Variants in USP49 observed in about 807,000 individuals in gnomAD.
The protein encoded by USP49 is ubiquitin carboxyl-terminal hydrolase 49.
In USP49, 24 loss-of-function variants were observed where a neutral mutation model predicts 58.6. That is an observed-to-expected ratio of 0.41 (90% CI 0.30 to 0.58). The LOEUF is 0.58. Among genes scored for constraint, USP49 ranks in the 20% least tolerant of loss-of-function variants. USP49 has a pLI of 0.30. For missense variants in USP49, 703 were observed against 866.1 expected (o/e 0.81, Z 2.36); for synonymous variants, 408 against 365.1 (o/e 1.12, Z -1.34).
At chr6:41,862,145 T>C (rs1774234564) in intron 3 of USP49, among the ~76,000 whole-genome samples, 1 of 152,240 alleles carries the variant, frequency 6.6e-6, no homozygotes, top group African/African-American at 2.4e-5. Context: ...TGGGTATCTA[T>C]CATGGGACAC....
Position 41,876,835 on chromosome 6 carries a change from G to A in USP49, c.-102-5198C>T, listed in dbSNP as rs75260710. The stretch of plus-strand genomic sequence containing the variant: ...AATAAAGAAAACTTTAAAGTTTTAA[G>A]GAGACCACAATCAGCAATTACAATT... On this transcript the variant is annotated intron_variant, in intron 2 of 7. Transcript: ENST00000682992. 3.4e-3 allele frequency among the ~76,000 whole-genome samples: 518 copies of A among 152,266 alleles called. 5 individuals are homozygous for A. The highest frequency in any genetic ancestry group is 5.4e-3 in the Non-Finnish European group (370 of 68,020).
At chr6:41,895,176 C>A in intron 1 of USP49, 148 bp downstream of exon 1, 1 of 152,202 alleles carries the variant, frequency 6.6e-6, no homozygotes, top group Non-Finnish European at 1.5e-5. Context: ...GCTAGTGAGC[C>A]GGAGACTCCT....
At chr6:41,885,310 T>G (rs1038762054) in intron 2 of USP49, among the ~76,000 whole-genome samples, 1 of 152,170 alleles carries the variant, frequency 6.6e-6, no homozygotes, top group Non-Finnish European at 1.5e-5. Flanking sequence ...AGAATAACAT[T>G]TTCAAACAAA....
intron 2 of USP49, among the ~76,000 whole-genome samples, chr6:41,883,395 G>T (rs967860097): frequency 3.4e-5 from 5 of 148,690 alleles, no homozygotes; most frequent in African/African-American, 1.2e-4. Flanking sequence ...AGTGGCTCAC[G>T]CTTGTAATCC....
chr6:41,827,163 G>A (rs1773552564), intron 3 of USP49, among the ~76,000 whole-genome samples: 1 of 152,150 alleles, frequency 6.6e-6, no homozygotes, highest in Admixed American at 6.5e-5. Flanking sequence ...CAATGATGTT[G>A]ATCATATAAG....
Position 41,796,349 on chromosome 6 carries a change from C to T in USP49, c.*184G>A. 1.9e-6 allele frequency: 1 copy of T among 529,608 alleles called. No individual in the cohort carries two copies. Among genetic ancestry groups the T allele is most frequent in the Non-Finnish European group, 3.4e-6 (1 of 296,266 alleles). 32.8% of individuals were successfully genotyped at this position (529,608 alleles called of 1,614,324 possible). A position where few individuals can be genotyped will look rare whatever the true frequency, so the allele number is the denominator to read the frequency against. ...TGTTTTTAGGAAAGGAGGGAACTCCCAAACTCATTCAAAAGAAAGAGACTA... is the reference window on the plus strand; with the variant it reads ...TGTTTTTAGGAAAGGAGGGAACTCCTAAACTCATTCAAAAGAAAGAGACTA... On this transcript the variant is annotated 3_prime_UTR_variant, in exon 8 of 8. Transcript: ENST00000682992.
At chr6:41,887,486 A>G (rs775839786) in intron 2 of USP49, among the ~76,000 whole-genome samples, 1 of 152,246 alleles carries the variant, frequency 6.6e-6, no homozygotes. Flanking sequence ...GGAACAGGAT[A>G]GAAAACAATC....
intron 3 of USP49, among the ~76,000 whole-genome samples, chr6:41,855,211 CT>C: frequency 6.7e-6 from 1 of 149,940 alleles, no homozygotes; most frequent in East Asian, 2.0e-4. Flanking sequence ...AGTACTGTTT[CT>C]TCATTAAAAG....
In USP49 at chr6:41,805,703, G is replaced by C. The variant is rs1412726791; in HGVS notation, c.1281C>G (p.Pro427=). ...SEGTTRRILI[P]FSQRKLTKQV... ...GTTTGGTGAGCTTCCTCTGGGAGAA[G>C]GGGATGAGGATCCGGCGTGTGGTGC... Residue 427 remains proline, a synonymous_variant, in exon 4 of 8, where the codon CCC becomes CCG. Coordinates refer to ENST00000682992, the MANE Select transcript of USP49 (RefSeq NM_001286554.2). 6.2e-7 allele frequency: 1 copy of C among 1,614,154 alleles called. No homozygotes were observed. The highest frequency in any genetic ancestry group is 1.7e-5 in the Admixed American group (1 of 60,028).
intron 2 of USP49, among the ~76,000 whole-genome samples, chr6:41,880,129 G>C (rs1582037488): frequency 6.9e-6 from 1 of 144,398 alleles, no homozygotes; most frequent in East Asian, 2.0e-4. Flanking sequence ...CTATTAAAAA[G>C]CAACATTCAC....
chr6:41,874,972 G>A (rs1407083108), intron 2 of USP49, among the ~76,000 whole-genome samples: 3 of 151,428 alleles, frequency 2.0e-5, no homozygotes, highest in African/African-American at 7.3e-5. Context: ...AAAAAAGAAA[G>A]AGAGAGAGAG....
chr6:41,866,334 C>T (rs1481810995), intron 3 of USP49, among the ~76,000 whole-genome samples: 2 of 152,130 alleles, frequency 1.3e-5, no homozygotes, highest in African/African-American at 4.8e-5. Context: ...CCTAAAGAGG[C>T]AGCTGTGTCT....
intron 1 of USP49, among the ~76,000 whole-genome samples, chr6:41,894,614 A>G (rs547397791): frequency 6.6e-6 from 1 of 151,562 alleles, no homozygotes; most frequent in Non-Finnish European, 1.5e-5. Context: ...CCTACTCCCA[A>G]CTATTACCCC....
At chr6:41,802,686 C>G (rs1773042201) in intron 5 of USP49, among the ~76,000 whole-genome samples, 1 of 151,616 alleles carries the variant, frequency 6.6e-6, no homozygotes, top group Non-Finnish European at 1.5e-5. Context: ...TAACTTTATA[C>G]TTTTAGTTTC....
intron 2 of USP49, among the ~76,000 whole-genome samples, chr6:41,885,007 A>G (rs2127364830): frequency 6.6e-6 from 1 of 152,358 alleles, no homozygotes; most frequent in East Asian, 1.9e-4. Flanking sequence ...ATCCACAGAT[A>G]AAACGTCTTG....
chr6:41,870,175 TC>T (rs1401723472), intron 3 of USP49, among the ~76,000 whole-genome samples: 1 of 152,228 alleles, frequency 6.6e-6, no homozygotes, highest in Non-Finnish European at 1.5e-5. Flanking sequence ...AACACTTACT[TC>T]ATTCCAGACA....
rs564196227 is a variant in USP49 at position 41,824,694 on chromosome 6, G to A, written c.-28-17683C>T. On this transcript the variant is annotated intron_variant, in intron 3 of 7. Transcript: ENST00000682992. The stretch of plus-strand genomic sequence containing the variant: ...GCACTCCAGCCTGGGCAACAAGAGC[G>A]AAACTCTGTCTCCAAAACAAAAAAC... Among the ~76,000 whole-genome samples, 29 of 152,170 alleles carry A rather than the reference G, an allele frequency of 1.9e-4. 1 individual carries two copies. The highest frequency in any genetic ancestry group is 5.2e-4 in the Admixed American group (8 of 15,280).
chr6:41,825,865 A>C (rs1218906594), intron 3 of USP49, among the ~76,000 whole-genome samples: 6 of 152,246 alleles, frequency 3.9e-5, no homozygotes, highest in African/African-American at 1.2e-4. Flanking sequence ...GTTTGAAGAC[A>C]GGACAACAGT....
At position 41,790,168 on chromosome 6, in the gene USP49, G is replaced by A. The variant is rs960001113; in HGVS notation, c.*6365C>T. The A allele has an allele frequency of 1.3e-5, 2 of 152,186 alleles. No individual in the cohort carries two copies. The highest frequency in any genetic ancestry group is 2.9e-5 in the Non-Finnish European group (2 of 68,046). The allele number at this position is 152,186 out of a possible 1,614,324, so 9.4% of individuals were successfully genotyped here. On this transcript the variant is annotated 3_prime_UTR_variant, in exon 8 of 8. Transcript: ENST00000682992. The stretch of plus-strand genomic sequence containing the variant: ...TTAGGGGAAGAAGCCATTTGGTGTT[G>A]CATAGCATTTTAGTGCACCAGATGG...
Sources: allele counts gnomAD v4.1 joint callset (sites outside exome capture counted in the v4.1 genomes callset), GRCh38; gene constraint gnomAD v4.1.1; transcripts MANE v1.5; gene names NCBI Gene and HGNC (gene_info 2026-07-23, HGNC 2026-07-21).